CACNA1F: variants seen among roughly 807,000 people sequenced by gnomAD.
CACNA1F encodes the protein voltage-dependent L-type calcium channel subunit alpha-1F.
A neutral mutation model predicts 143.8 loss-of-function variants in CACNA1F; 59 were observed. That is an observed-to-expected ratio of 0.41 (90% CI 0.33 to 0.51). The LOEUF is 0.51. Ranked by LOEUF, CACNA1F falls within the 20% of genes least tolerant of loss-of-function variation. CACNA1F has a pLI of 0.22. For missense variants in CACNA1F, 1,411 were observed against 1,647.5 expected, an observed-to-expected ratio of 0.86 and a Z score of 2.48; for synonymous variants, 643 against 649.1, an observed-to-expected ratio of 0.99 and a Z score of 0.14.
intron 13 of CACNA1F, 84 bp downstream of exon 13, chrX:49,225,825 G>A (rs2065817402): frequency 8.5e-6 from 8 of 936,481 alleles, no homozygotes; most frequent in Non-Finnish European, 1.2e-5. Flanking sequence ...TGGGGGCTGA[G>A]GCGCCCTAGA....
intron 24 of CACNA1F, 129 bp downstream of exon 24, chrX:49,218,326 T>G: frequency 3.9e-6 from 2 of 518,576 alleles, no homozygotes; most frequent in Non-Finnish European, 6.5e-6. Flanking sequence ...TGGTCAGAGA[T>G]GTGTATTTAT....
In CACNA1F at chrX:49,224,934, T is replaced by C; in HGVS notation, c.1704A>G (p.Lys568=). The stretch of plus-strand genomic sequence containing the variant: ...AGGCAGAGGGGCCCAGACCGTACAA[T>C]TTGAGAAGCATCTCCACCGTGAACA... ...LCLFTVEMLL[K]LYGLGPSAYV... is the part of the protein sequence containing the mutation. Residue 568 remains lysine (K), a synonymous_variant, in exon 14 of 48, where the codon AAA becomes AAG. Coordinates refer to ENST00000323022, the MANE Select transcript of CACNA1F (RefSeq NM_001256789.3). The C allele has an allele frequency of 8.3e-7, 1 of 1,207,283 alleles. No homozygotes were observed.
intron 43 of CACNA1F, 121 bp from the exon 44 acceptor site, chrX:49,207,233 T>C (rs2065607463): frequency 4.0e-6 from 2 of 498,388 alleles, no homozygotes; most frequent in African/African-American, 4.7e-5. Context: ...ATTTTTTTGT[T>C]GAGGACAAGT....
rs1557105909 is a variant in CACNA1F at position 49,210,373 on chromosome X, A to G, written c.4516T>C (p.Ser1506Pro). Residue 1506 changes from serine to proline, a missense_variant, in exon 39 of 48, where the codon TCA becomes CCA. Transcript: ENST00000323022. The part of the protein sequence containing the change: ...RLVAMNMPLN[S>P]DGTVTFNATL... ...GCGTTGAATGTCACCGTCCCATCTGAGTTGAGGGGCATGTTCATTGCCACA... is the reference window on the plus strand; with the variant it reads ...GCGTTGAATGTCACCGTCCCATCTGGGTTGAGGGGCATGTTCATTGCCACA... The G allele has an allele frequency of 5.0e-6, 6 of 1,205,671 alleles. No individual in the cohort carries two copies. Among genetic ancestry groups the G allele is most frequent in the Non-Finnish European group, 3.4e-6 (3 of 890,091 alleles).
Position 49,212,769 on chromosome X carries a change from G to T in CACNA1F, c.3840C>A (p.Ser1280=). 8.3e-7 allele frequency: 1 copy of T among 1,210,242 alleles called. No homozygotes were observed. Among genetic ancestry groups the T allele is most frequent in the African/African-American group, 1.7e-5 (1 of 57,692 alleles). The change falls in exon 33 of 48, where the codon TCC becomes TCA. Residue 1280 remains serine (S), a synonymous_variant. Coordinates refer to ENST00000323022, the MANE Select transcript of CACNA1F (RefSeq NM_001256789.3). The part of the protein sequence containing the change: ...GESSEDSSRI[S]ITFFRLFRVM... ...CTCGGAAGAGGCGAAAGAAGGTAATGGAAATGCGGGAGCTGTCCTCAGAGC... is the reference window on the plus strand; with the variant it reads ...CTCGGAAGAGGCGAAAGAAGGTAATTGAAATGCGGGAGCTGTCCTCAGAGC...
chrX:49,217,576 C>T (rs189825708), intron 26 of CACNA1F, among the ~76,000 whole-genome samples, 179 bp downstream of exon 26: 9 of 107,908 alleles, frequency 8.3e-5, no homozygotes, highest in East Asian at 5.8e-4. Flanking sequence ...TTGGGGAATG[C>T]GGAGAGGGAT....
intron 1 of CACNA1F, among the ~76,000 whole-genome samples, chrX:49,232,509 T>G (rs1397306518): frequency 1.8e-5 from 2 of 112,017 alleles, no homozygotes; most frequent in African/African-American, 6.5e-5. Flanking sequence ...ACTTTACCAC[T>G]TGGTAGCTAT....
chrX:49,222,883 T>G (rs1313229248), intron 15 of CACNA1F, 45 bp from the exon 16 acceptor site: 1 of 1,207,944 alleles, frequency 8.3e-7, no homozygotes, highest in Non-Finnish European at 1.1e-6. Context: ...CCCCTCCAAC[T>G]CCAGGGTCTC....
intron 14 of CACNA1F, 63 bp downstream of exon 14, chrX:49,224,698 G>A: frequency 2.9e-6 from 2 of 695,403 alleles, no homozygotes; most frequent in Non-Finnish European, 4.5e-6. Flanking sequence ...TATCATTGGA[G>A]CTTGGGTGGG....
intron 6 of CACNA1F, among the ~76,000 whole-genome samples, chrX:49,228,707 G>A (rs782558093): frequency 2.7e-5 from 3 of 112,580 alleles, no homozygotes; most frequent in Non-Finnish European, 5.6e-5. Flanking sequence ...TGGGATTACC[G>A]GCGTGTGCCA....
At chrX:49,208,719 C>T (rs371319944) in intron 42 of CACNA1F, 35 bp from the exon 43 acceptor site, 172 of 1,181,870 alleles carry the variant, frequency 1.5e-4, no homozygotes, top group Non-Finnish European at 1.9e-4. Context: ...GTTGCATGCA[C>T]TTTGTGGCTA....
chrX:49,207,842 G>T (rs1383338432), intron 43 of CACNA1F, among the ~76,000 whole-genome samples: 1 of 109,750 alleles, frequency 9.1e-6, no homozygotes, highest in African/African-American at 3.3e-5. Flanking sequence ...CTTTATCCCT[G>T]TGAAGTAAGT....
At chrX:49,207,937 T>A (rs1196695861) in intron 43 of CACNA1F, among the ~76,000 whole-genome samples, 2 of 104,621 alleles carry the variant, frequency 1.9e-5, no homozygotes, top group Non-Finnish European at 3.9e-5. Context: ...CTCAAGCTTG[T>A]AATCCCAGCA....
chrX:49,209,111 G>A (rs1182440220), intron 42 of CACNA1F, 151 bp downstream of exon 42: 1 of 646,493 alleles, frequency 1.5e-6, no homozygotes, highest in Non-Finnish European at 2.4e-6. Flanking sequence ...ATAGGCATGA[G>A]CCACCACTCC....
intron 46 of CACNA1F, 67 bp from the exon 47 acceptor site, chrX:49,205,880 G>A (rs1557104775): frequency 6.3e-6 from 6 of 950,674 alleles, no homozygotes; most frequent in South Asian, 4.3e-5. Context: ...AGGACTCACC[G>A]CTGTGCCTAC....
intron 42 of CACNA1F, 187 bp downstream of exon 42, chrX:49,209,075 C>T: frequency 2.0e-6 from 1 of 492,902 alleles, no homozygotes; most frequent in Non-Finnish European, 3.5e-6. Context: ...GATCCTTCCA[C>T]CCTGGACTCC....
rs986816548 is a variant in CACNA1F at position 49,223,078 on chromosome X, C to T, written c.1936G>A (p.Ala646Thr). ...ASLLNSMKSI[A>T]SLLLLLFLFI... The stretch of plus-strand genomic sequence containing the variant: ...AGGAAGAGGAGAAGCAGCAAGGATG[C>T]GATGGATTTCATTGAATTGAGCAGG... The change falls in exon 15 of 48, where the codon GCA (alanine) becomes ACA (threonine). Residue 646 changes from alanine to threonine, a missense_variant. Around this residue, in one of 3 missense-constraint regions of CACNA1F, gnomAD observed 950 missense variants for 1,128.1 expected, o/e 0.84. Coordinates refer to ENST00000323022, the MANE Select transcript of CACNA1F (RefSeq NM_001256789.3). 34 of 1,200,830 alleles carry T rather than the reference C, an allele frequency of 2.8e-5. No homozygotes were observed. In the Admixed American group the frequency reaches 3.1e-4, roughly 11 times the overall value.
At chrX:49,230,761 T>C (rs1602656969) in intron 4 of CACNA1F, 89 bp downstream of exon 4, 2 of 1,095,798 alleles carry the variant, frequency 1.8e-6, no homozygotes, top group East Asian at 6.6e-5. Context: ...ATGGGGGCGG[T>C]CTGAAAGAGT....
chrX:49,227,966 G>T, intron 8 of CACNA1F, 70 bp downstream of exon 8: 1 of 703,148 alleles, frequency 1.4e-6, no homozygotes. Context: ...GGATGTCTAG[G>T]AGTTTGCCAG....
Sources: allele counts gnomAD v4.1 joint callset (sites outside exome capture counted in the v4.1 genomes callset), GRCh38; gene constraint gnomAD v4.1.1; regional missense constraint gnomAD v4.1.1; transcripts MANE v1.5; gene names NCBI Gene and HGNC (gene_info 2026-07-23, HGNC 2026-07-21).